The following GLDC variants were observed in gnomAD, a reference collection of about 807,000 sequenced individuals.
The protein encoded by GLDC is glycine decarboxylase, also known as glycine dehydrogenase (decarboxylating), mitochondrial.
GLDC carries 104 observed loss-of-function variants against 121.3 expected under a neutral mutation model. The ratio of observed to expected loss-of-function variants is 0.86; its 90% CI spans 0.73 to 1.01. The LOEUF (loss-of-function observed/expected upper bound fraction) is 1.01, where lower values mean the gene tolerates loss of function less well. GLDC is among the 50% of genes least tolerant of loss of function. The pLI is 0.00. For missense variants in GLDC, 1,429 were observed against 1,306.6 expected (o/e 1.09, Z -1.44); for synonymous variants, 546 against 480.6 (o/e 1.14, Z -1.78).
In GLDC at chr9:6,532,585, A is replaced by G. The variant is rs1484937148; in HGVS notation, c.*432T>C. 4.0e-5 allele frequency: 7 copies of G among 175,084 alleles called. No homozygotes were observed. The highest frequency in any genetic ancestry group is 6.2e-5 in the Non-Finnish European group (5 of 80,774). 10.8% of individuals were successfully genotyped at this position (175,084 alleles called of 1,614,324 possible). A position where few individuals can be genotyped will look rare whatever the true frequency, so the allele number is the denominator to read the frequency against. The stretch of plus-strand genomic sequence containing the variant: ...GATTACAGATTAGGCATATTAGAGG[A>G]AAAAGAGTTCTTCAGGGTATACAAA... On this transcript the variant is annotated 3_prime_UTR_variant, in exon 25 of 25. Coordinates refer to ENST00000321612, the MANE Select transcript of GLDC (RefSeq NM_000170.3).
intron 2 of GLDC, among the ~76,000 whole-genome samples, chr9:6,623,244 G>A (rs1362640472): frequency 7.1e-6 from 1 of 140,324 alleles, no homozygotes; most frequent in Non-Finnish European, 1.5e-5. Context: ...AGTAGACATG[G>A]GAGACTTTTC....
chr9:6,547,810 A>G (rs1817428014), intron 21 of GLDC, among the ~76,000 whole-genome samples: 1 of 152,196 alleles, frequency 6.6e-6, no homozygotes, highest in Non-Finnish European at 1.5e-5. Flanking sequence ...AATGCTCATA[A>G]TATACATTTA....
At position 6,617,788 on chromosome 9, in the gene GLDC, G is replaced by C. The variant is rs1335193902; in HGVS notation, c.470+2396C>G. 2.0e-5 allele frequency among the ~76,000 whole-genome samples: 3 copies of C among 152,288 alleles called. No individual in the cohort carries two copies. The East Asian group carries it at 5.8e-4, about 29-fold the overall frequency. On this transcript the variant is annotated intron_variant, in intron 3 of 24. Transcript: ENST00000321612. ...CCACCAGGATTACATTTGCAATGATGGAAAAGCAGACAAAGATGCAAAGTG... is the reference window on the plus strand; with the variant it reads ...CCACCAGGATTACATTTGCAATGATCGAAAAGCAGACAAAGATGCAAAGTG...
At chr9:6,588,531 T>C in intron 13 of GLDC, 87 bp downstream of exon 13, 1 of 1,438,138 alleles carries the variant, frequency 7.0e-7, no homozygotes. Flanking sequence ...GGCCACCCCT[T>C]TGTTGCTCTT....
In GLDC at chr9:6,556,136, G is replaced by A. The variant is rs1014629026; in HGVS notation, c.2202+17C>T. ...TTTTCTCAGTGGGAACTAAGGGCGG[G>A]CCTCTTCAGTTCCCACCTGAGCATT... On this transcript the variant is annotated intron_variant, in intron 18 of 24. Transcript: ENST00000321612. 3.1e-6 allele frequency: 5 copies of A among 1,601,242 alleles called. No homozygotes were observed. In the South Asian group the frequency reaches 3.3e-5, roughly 11 times the overall value.
chr9:6,559,448 T>C (rs1377029922), intron 16 of GLDC, among the ~76,000 whole-genome samples: 1 of 143,980 alleles, frequency 6.9e-6, no homozygotes, highest in African/African-American at 2.6e-5. Flanking sequence ...CCAGGAGGTG[T>C]AGGTTGCGGT....
intron 4 of GLDC, among the ~76,000 whole-genome samples, chr9:6,609,124 C>A (rs1368630735): frequency 6.6e-6 from 1 of 152,160 alleles, no homozygotes; most frequent in Non-Finnish European, 1.5e-5. Flanking sequence ...AACCAGATGG[C>A]CATCTACATG....
At chr9:6,556,333 G>A (rs1292293093) in intron 17 of GLDC, 31 bp from the exon 18 acceptor site, 1 of 1,591,724 alleles carries the variant, frequency 6.3e-7, no homozygotes, top group East Asian at 2.2e-5. Context: ...AGAAGGACAT[G>A]GAGGGAGGAT....
At chr9:6,556,107 T>G in intron 18 of GLDC, 46 bp downstream of exon 18, 1 of 1,522,956 alleles carries the variant, frequency 6.6e-7, no homozygotes. Context: ...TTTCCACATA[T>G]CCATTTTCTC....
At chr9:6,556,110 A>T in intron 18 of GLDC, 43 bp downstream of exon 18, 5 of 1,558,258 alleles carry the variant, frequency 3.2e-6, no homozygotes, top group Non-Finnish European at 4.4e-6. Context: ...CCACATATCC[A>T]TTTTCTCAGT....
At chr9:6,543,067 G>A (rs1319998622) in intron 21 of GLDC, among the ~76,000 whole-genome samples, 1 of 148,566 alleles carries the variant, frequency 6.7e-6, no homozygotes, top group Admixed American at 6.7e-5. Context: ...GCTTGAGCTT[G>A]GGAGTTGGAG....
Position 6,544,307 on chromosome 9 carries a change from C to G in GLDC, c.2570-4161G>C, listed in dbSNP as rs914214120. On this transcript the variant is annotated intron_variant, in intron 21 of 24. Coordinates refer to ENST00000321612, the MANE Select transcript of GLDC (RefSeq NM_000170.3). ...GTGAGCCAAGGATGTGAGGGCCCAG[C>G]CCCTGAGGCCCCTGCCCACCCATAC... Among the ~76,000 whole-genome samples, 4 of 152,032 alleles carry G rather than the reference C, an allele frequency of 2.6e-5. No individual in the cohort carries two copies. The South Asian group carries it at 8.3e-4, about 31-fold the overall frequency.
rs533989129 is a variant in GLDC, at chr9:6,640,126, T to G, written c.334+4488A>C. Among the ~76,000 whole-genome samples, 314 of 152,348 alleles carry G rather than the reference T, an allele frequency of 2.1e-3. 2 individuals are homozygous for G. The highest frequency in any genetic ancestry group is 4.0e-3 in the Non-Finnish European group (275 of 68,036). On this transcript the variant is annotated intron_variant, in intron 2 of 24. Transcript: ENST00000321612. ...TTCCCTTTTTTCCACAATAAAGCTT[T>G]CCTCTCCTCTGCCAATATGCAAGTC...
At chr9:6,574,058 CA>C (rs1818015737) in intron 15 of GLDC, among the ~76,000 whole-genome samples, 1 of 152,184 alleles carries the variant, frequency 6.6e-6, no homozygotes, top group South Asian at 2.1e-4. Context: ...ATCAATTTGA[CA>C]TAAGTTTAGT....
intron 2 of GLDC, among the ~76,000 whole-genome samples, chr9:6,641,284 C>T (rs1008268496): frequency 6.6e-6 from 1 of 152,226 alleles, no homozygotes; most frequent in African/African-American, 2.4e-5. Context: ...TCCGTGACCC[C>T]TTCCCTTGCC....
intron 20 of GLDC, among the ~76,000 whole-genome samples, chr9:6,552,514 G>A (rs913612393): frequency 2.6e-5 from 4 of 152,190 alleles, no homozygotes; most frequent in Admixed American, 2.6e-4. Context: ...AATTGTTCCG[G>A]CTTCCAAGAA....
intron 8 of GLDC, among the ~76,000 whole-genome samples, chr9:6,601,790 A>G (rs754346488): frequency 6.6e-6 from 1 of 152,018 alleles, no homozygotes; most frequent in African/African-American, 2.4e-5. Context: ...ACTGACGGCT[A>G]ATTTATTTTA....
chr9:6,639,668 A>AAAAAAATATATATATATAT, intron 2 of GLDC: 54 of 250,518 alleles, frequency 2.2e-4, no homozygotes, highest in African/African-American at 1.5e-3. Flanking sequence ...ATAAAAAAAA[A>AAAAAAATATATATATATAT]GTATATATAT....
At chr9:6,601,166 C>G (rs1209974955) in intron 8 of GLDC, among the ~76,000 whole-genome samples, 1 of 152,126 alleles carries the variant, frequency 6.6e-6, no homozygotes, top group Non-Finnish European at 1.5e-5. Flanking sequence ...GAGTAAAACT[C>G]TGTCTCGAAA....
Sources: allele counts gnomAD v4.1 joint callset (sites outside exome capture counted in the v4.1 genomes callset), GRCh38; gene constraint gnomAD v4.1.1; transcripts MANE v1.5; gene names NCBI Gene and HGNC (gene_info 2026-07-23, HGNC 2026-07-21).